The following SUPT6H variants were observed in gnomAD, a reference collection of about 807,000 sequenced individuals.
SUPT6H encodes the protein transcription elongation factor SPT6.
Under a neutral mutation model 222.3 loss-of-function variants are expected in SUPT6H, and 11 were observed. The ratio of observed to expected loss-of-function variants is 0.05; its 90% CI spans 0.03 to 0.08. The LOEUF (loss-of-function observed/expected upper bound fraction) is 0.08, where lower values mean the gene tolerates loss of function less well. Ranked by LOEUF, SUPT6H falls within the 10% of genes least tolerant of loss-of-function variation. The pLI, the probability that SUPT6H is intolerant of heterozygous loss-of-function variation, is 1.00. For missense variants in SUPT6H, 1,422 were observed against 2,216.0 expected (o/e 0.64, Z 7.19); for synonymous variants, 762 against 801.2 (o/e 0.95, Z 0.83).
chr17:28,689,322 T>C, intron 24 of SUPT6H, 32 bp from the exon 25 acceptor site: 2 of 1,610,720 alleles, frequency 1.2e-6, no homozygotes, highest in South Asian at 1.1e-5. Context: ...CTTATCGTTC[T>C]ATATCCTGTT....
At chr17:28,676,666 C>T (rs2030764819) in intron 7 of SUPT6H, among the ~76,000 whole-genome samples, 1 of 152,164 alleles carries the variant, frequency 6.6e-6, no homozygotes. Flanking sequence ...GTGGCTCACA[C>T]CTATAATCCC....
intron 13 of SUPT6H, among the ~76,000 whole-genome samples, chr17:28,682,392 A>G (rs1196784916): frequency 6.6e-6 from 1 of 152,168 alleles, no homozygotes; most frequent in Non-Finnish European, 1.5e-5. Flanking sequence ...TCGGAGGTCA[A>G]GGTGGGAGGA....
At chr17:28,683,200 G>T in intron 15 of SUPT6H, 68 bp from the exon 16 acceptor site, 8 of 1,582,482 alleles carry the variant, frequency 5.1e-6, no homozygotes, top group Non-Finnish European at 6.9e-6. Flanking sequence ...AAGCAGAAAG[G>T]CTGTCTTTTC....
intron 1 of SUPT6H, chr17:28,672,618 T>C (rs1453483529): frequency 6.6e-6 from 1 of 152,148 alleles, no homozygotes; most frequent in Non-Finnish European, 1.5e-5. Context: ...TTCACCATGT[T>C]GGCCAAGCTG....
intron 25 of SUPT6H, 152 bp downstream of exon 25, chr17:28,689,713 C>G: frequency 1.2e-6 from 1 of 801,356 alleles, no homozygotes; most frequent in South Asian, 1.8e-5. Flanking sequence ...CTGGGCTCCT[C>G]AAGGAAGTTT....
chr17:28,679,245 C>T (rs1174615263), intron 11 of SUPT6H, among the ~76,000 whole-genome samples: 4 of 152,102 alleles, frequency 2.6e-5, no homozygotes, highest in African/African-American at 7.2e-5. Context: ...CAGTGGCACA[C>T]GCCTGTAATC....
chr17:28,679,107 C>T, intron 11 of SUPT6H, 144 bp downstream of exon 11: 2 of 1,100,338 alleles, frequency 1.8e-6, no homozygotes, highest in Non-Finnish European at 2.6e-6. Flanking sequence ...CACAGTGGCT[C>T]ATGCCTGTAA....
At chr17:28,670,186 C>T (rs529646040) in intron 1 of SUPT6H, 1 of 152,318 alleles carries the variant, frequency 6.6e-6, no homozygotes, top group Admixed American at 6.5e-5. Flanking sequence ...AGACAGACCT[C>T]AGCACTTACA....
At chr17:28,693,518 C>T (rs1376503052) in intron 27 of SUPT6H, among the ~76,000 whole-genome samples, 178 bp from the exon 28 acceptor site, 1 of 152,180 alleles carries the variant, frequency 6.6e-6, no homozygotes, top group Non-Finnish European at 1.5e-5. Flanking sequence ...AGCTATGAGA[C>T]AAGGGACTTT....
Position 28,667,403 on chromosome 17 carries a change from G to A in SUPT6H, c.-32+5061G>A, listed in dbSNP as rs374189006. ...AAAAAAAAAAAAAAAAAGTGTGTGTGTGTATATATATATATATATATATAT... is the reference window on the plus strand; with the variant it reads ...AAAAAAAAAAAAAAAAAGTGTGTGTATGTATATATATATATATATATATAT... On this transcript the variant is annotated intron_variant, in intron 1 of 36. Coordinates refer to ENST00000314616, the MANE Select transcript of SUPT6H (RefSeq NM_003170.5). Among the ~76,000 whole-genome samples the A allele has an allele frequency of 4.2e-4, 18 of 42,364 alleles. 1 individual carries two copies. The highest frequency in any genetic ancestry group is 4.0e-4 in the Admixed American group (1 of 2,496). The allele number at this position is 42,364 out of a possible 152,430, so 27.8% of individuals were successfully genotyped here.
chr17:28,690,174 C>T lies in SUPT6H; in HGVS notation c.3435C>T (p.Asn1145=). The T allele has an allele frequency of 6.2e-7, 1 of 1,613,978 alleles. No homozygotes were observed. Among genetic ancestry groups the T allele is most frequent in the Non-Finnish European group, 8.5e-7 (1 of 1,180,040 alleles). The change falls in exon 26 of 37, where the codon AAC becomes AAT. Residue 1145 remains asparagine (N), a synonymous_variant. Transcript: ENST00000314616. ...TCCGGACAGCCTACCGCTCTCCCAA[C>T]ACAGAGGAGATCTTCAATATGTTAA... ...KDLRTAYRSP[N]TEEIFNMLTK... is the part of the protein sequence containing the mutation.
Position 28,674,129 on chromosome 17 carries a change from A to G in SUPT6H, c.110-154A>G, listed in dbSNP as rs548478073. Among the ~76,000 whole-genome samples, 18 of 152,308 alleles carry G rather than the reference A, an allele frequency of 1.2e-4. No individual in the cohort carries two copies. In the South Asian group the frequency reaches 3.1e-3, roughly 26 times the overall value. Reference sequence around the variant, plus strand: ...TTCCAGATGCTGCTACTCTAAGTCAATGGCTATGTTTTGCATCTTTACATG... The same window carrying G: ...TTCCAGATGCTGCTACTCTAAGTCAGTGGCTATGTTTTGCATCTTTACATG... On this transcript the variant is annotated intron_variant, in intron 2 of 36. Coordinates refer to ENST00000314616, the MANE Select transcript of SUPT6H (RefSeq NM_003170.5).
At position 28,701,757 on chromosome 17, in the gene SUPT6H, C is replaced by G; in HGVS notation, c.*132C>G. ...GAGACGTTCTCTTTGGTGGTCAACC[C>G]GGATGGGTGACAGGCTGGATGGCCT... On this transcript the variant is annotated 3_prime_UTR_variant, in exon 37 of 37. Coordinates refer to ENST00000314616, the MANE Select transcript of SUPT6H (RefSeq NM_003170.5). The G allele has an allele frequency of 2.1e-6, 2 of 969,390 alleles. No individual in the cohort carries two copies. Among genetic ancestry groups the G allele is most frequent in the Non-Finnish European group, 3.0e-6 (2 of 668,618 alleles). 60.0% of individuals were successfully genotyped at this position (969,390 alleles called of 1,614,324 possible). A position where few individuals can be genotyped will look rare whatever the true frequency, so the allele number is the denominator to read the frequency against.
intron 1 of SUPT6H, among the ~76,000 whole-genome samples, chr17:28,669,131 A>T (rs1323012234): frequency 6.6e-6 from 1 of 152,250 alleles, no homozygotes; most frequent in Non-Finnish European, 1.5e-5. Context: ...GACATTTAAA[A>T]ATATTTATTG....
chr17:28,673,137 T>A (rs1482508826), intron 1 of SUPT6H, among the ~76,000 whole-genome samples: 5 of 136,306 alleles, frequency 3.7e-5, no homozygotes, highest in Non-Finnish European at 6.2e-5. Flanking sequence ...GGTGAGAGAG[T>A]GAGACGCCAC....
intron 10 of SUPT6H, 76 bp downstream of exon 10, chr17:28,678,710 A>AC (rs2030906847): frequency 3.1e-6 from 5 of 1,609,546 alleles, no homozygotes; most frequent in South Asian, 1.1e-5. Context: ...ACAAACCCAA[A>AC]CCCCCCAGGC....
chr17:28,673,363 T>C lies in SUPT6H; in HGVS notation c.-31-8T>C, dbSNP rs759339518. On this transcript the variant is annotated splice_region_variant and splice_polypyrimidine_tract_variant and intron_variant, in intron 1 of 36. Coordinates refer to ENST00000314616, the MANE Select transcript of SUPT6H (RefSeq NM_003170.5). ...GTTTTTTTATCCTTCACTCTTTTCT[T>C]TCCCTAGTTATCTTCAGGCAGAGTG... is the stretch of plus-strand genomic sequence containing the variant. 2.0e-6 allele frequency: 3 copies of C among 1,523,668 alleles called. No homozygotes were observed. In the South Asian group the frequency reaches 3.4e-5, roughly 17 times the overall value. The allele number at this position is 1,523,668 out of a possible 1,614,324, so 94.4% of individuals were successfully genotyped here. A position where few individuals can be genotyped will look rare whatever the true frequency, so the allele number is the denominator to read the frequency against.
At chr17:28,689,941 A>G in intron 25 of SUPT6H, 141 bp from the exon 26 acceptor site, 1 of 1,134,686 alleles carries the variant, frequency 8.8e-7, no homozygotes. Flanking sequence ...AACCACCTTT[A>G]GTAAATGTTG....
At chr17:28,666,573 A>G (rs911443475) in intron 1 of SUPT6H, among the ~76,000 whole-genome samples, 2 of 146,334 alleles carry the variant, frequency 1.4e-5, no homozygotes, top group African/African-American at 5.1e-5. Context: ...TTTTTTTGAG[A>G]CGGAGTCTCG....
Sources: gnomAD v4.1 joint callset for allele counts (sites outside exome capture counted in the v4.1 genomes callset) on GRCh38, gnomAD v4.1.1 for gene constraint, MANE v1.5 for transcripts, NCBI Gene and HGNC (gene_info 2026-07-23, HGNC 2026-07-21) for gene names.